Variants in ZMAT1 observed in about 807,000 individuals in gnomAD.
The protein encoded by ZMAT1 is zinc finger matrin-type protein 1.
Under a neutral mutation model 18.5 loss-of-function variants are expected in ZMAT1, and 11 were observed. The ratio of observed to expected loss-of-function variants is 0.59; its 90% CI spans 0.37 to 0.98. The LOEUF (loss-of-function observed/expected upper bound fraction) is 0.98. Among genes scored for constraint, ZMAT1 ranks in the 50% least tolerant of loss-of-function variants. The pLI is 0.01. For synonymous variants in ZMAT1, 211 were observed against 176.4 expected (o/e 1.20, Z -1.55); for missense variants, 525 against 496.2 (o/e 1.06, Z -0.55).
chrX:101,903,329 T>G (rs985276403), intron 2 of ZMAT1, among the ~76,000 whole-genome samples: 2 of 111,876 alleles, frequency 1.8e-5, no homozygotes, highest in Admixed American at 1.9e-4. Flanking sequence ...CTTATGTAAC[T>G]AGTCAATGGT....
At chrX:101,886,258 T>A (rs752576417) in intron 5 of ZMAT1, among the ~76,000 whole-genome samples, 5 of 111,793 alleles carry the variant, frequency 4.5e-5, no homozygotes, top group African/African-American at 1.6e-4. Flanking sequence ...ACCTCTGTTC[T>A]TAACCACTAT....
At chrX:101,897,687 C>T (rs908527492) in intron 4 of ZMAT1, among the ~76,000 whole-genome samples, 181 bp downstream of exon 4, 15 of 111,013 alleles carry the variant, frequency 1.4e-4, no homozygotes, top group Non-Finnish European at 2.5e-4. Context: ...AATCAACTAG[C>T]AATTAAAATC....
rs1392246568 is a variant in ZMAT1 at position 101,883,987 on chromosome X, A to C, written c.1611T>G (p.Asp537Glu). 8 of 1,210,042 alleles carry C rather than the reference A, an allele frequency of 6.6e-6. No individual in the cohort carries two copies. The South Asian group carries it at 1.4e-4, about 21-fold the overall frequency. Residue 537 changes from aspartate (D) to glutamate (E), a missense_variant, in exon 6 of 6, where the codon GAT (aspartate) becomes GAG (glutamate). Asp to Glu is a conservative substitution (Grantham distance 45, BLOSUM62 2). Coordinates refer to ENST00000651725, the MANE Select transcript of ZMAT1 (RefSeq NM_001394560.1). ...TGGTGAGTTGACAGTAGCTAATAGA[A>C]TCTAGTCTCTGTTTGCTATCATGAG... Reference protein sequence around the residue: ...LPAHDSKQRLDSISYCQLTRD... With the variant: ...LPAHDSKQRLESISYCQLTRD...
At chrX:101,913,932 A>G (rs1569439032) in intron 1 of ZMAT1, among the ~76,000 whole-genome samples, 1 of 112,236 alleles carries the variant, frequency 8.9e-6, no homozygotes. Context: ...AGAATAGACC[A>G]TATGTTAGGT....
In ZMAT1 at chrX:101,898,215, T is replaced by C; in HGVS notation, c.405A>G (p.Glu135=). 4 of 1,202,581 alleles carry C rather than the reference T, an allele frequency of 3.3e-6. No individual in the cohort carries two copies. Among genetic ancestry groups the C allele is most frequent in the Non-Finnish European group, 4.5e-6 (4 of 887,955 alleles). ...AAAAACTAACATTTTGAGCATGTTT[T>C]TCACCCTGAAAAAAGATATAATATG... ...ESQRISHYEG[E]KHAQNVSFYF... The change falls in exon 3 of 6, where the codon GAA becomes GAG. Residue 135 remains glutamate, a synonymous_variant. Transcript: ENST00000651725.
chrX:101,920,916 G>T (rs1475315355), intron 1 of ZMAT1, among the ~76,000 whole-genome samples: 1 of 110,631 alleles, frequency 9.0e-6, no homozygotes, highest in Non-Finnish European at 1.9e-5. Flanking sequence ...ACAGATAACA[G>T]CTGTCCAATA....
chrX:101,924,446 T>A (rs1312567380), intron 1 of ZMAT1, among the ~76,000 whole-genome samples: 1 of 112,207 alleles, frequency 8.9e-6, no homozygotes, highest in Non-Finnish European at 1.9e-5. Flanking sequence ...GGTATTGAGA[T>A]CTTAATGACA....
In ZMAT1 at chrX:101,929,422, A is replaced by ATT. The variant is rs1312492862; in HGVS notation, c.292+2293_292+2294dup. Among the ~76,000 whole-genome samples the ATT allele has an allele frequency of 3.8e-4, 9 of 23,780 alleles. No individual in the cohort carries two copies. In the East Asian group the frequency reaches 4.9e-3, roughly 13 times the overall value. 20.7% of individuals were successfully genotyped at this position (23,780 alleles called of 115,157 possible). A position where few individuals can be genotyped will look rare whatever the true frequency, so the allele number is the denominator to read the frequency against. ...ATATATATTCTATATATAGAGAGAGATTATATATATATATATATATATATA... is the reference window on the plus strand; with the variant it reads ...ATATATATTCTATATATAGAGAGAGATTTTATATATATATATATATATATATA... On this transcript the variant is annotated intron_variant, in intron 1 of 5. Transcript: ENST00000651725.
chrX:101,897,501 GAC>G (rs1927902880), intron 4 of ZMAT1, among the ~76,000 whole-genome samples: 1 of 76,172 alleles, frequency 1.3e-5, no homozygotes, highest in African/African-American at 4.9e-5. Flanking sequence ...ATAAAAAAAA[GAC>G]ATTATAAAAA....
intron 4 of ZMAT1, chrX:101,887,780 G>A (rs1711955377): frequency 9.0e-6 from 1 of 111,170 alleles, no homozygotes; most frequent in Non-Finnish European, 1.9e-5. Context: ...GTCAAAATAT[G>A]AATGAAATGT....
At position 101,911,662 on chromosome X, in the gene ZMAT1, C is replaced by T. The variant is rs181383593; in HGVS notation, c.293-7332G>A. ...CCACGCTGGGGAGAAGCCAGCCCTA[C>T]GAATGCAACCAGTGTGGCAGAGCCT... On this transcript the variant is annotated intron_variant, in intron 1 of 5. Coordinates refer to ENST00000651725, the MANE Select transcript of ZMAT1 (RefSeq NM_001394560.1). 385 of 1,204,184 alleles carry T rather than the reference C, an allele frequency of 3.2e-4. No homozygotes were observed. The South Asian group carries it at 6.0e-3, about 19-fold the overall frequency.
intron 1 of ZMAT1, among the ~76,000 whole-genome samples, chrX:101,930,621 C>T (rs1930418760): frequency 8.9e-6 from 1 of 112,257 alleles, no homozygotes; most frequent in South Asian, 3.7e-4. Context: ...AAGGAACTTA[C>T]TTTCCTCTAT....
At chrX:101,926,147 G>C (rs1400077549) in intron 1 of ZMAT1, among the ~76,000 whole-genome samples, 1 of 112,130 alleles carries the variant, frequency 8.9e-6, no homozygotes, top group Non-Finnish European at 1.9e-5. Flanking sequence ...AATAGTAATA[G>C]AGGGATGTTC....
intron 1 of ZMAT1, 83 bp from the exon 2 acceptor site, chrX:101,904,413 T>C: frequency 2.8e-6 from 2 of 712,805 alleles, no homozygotes; most frequent in Non-Finnish European, 4.1e-6. Flanking sequence ...CTATATATGA[T>C]TTCATATGAT....
In ZMAT1 at chrX:101,882,826, A is replaced by G. The variant is rs1404430994; in HGVS notation, c.*684T>C. 1 of 111,198 alleles carries G rather than the reference A, an allele frequency of 9.0e-6. No individual in the cohort carries two copies. Among genetic ancestry groups the G allele is most frequent in the Non-Finnish European group, 1.9e-5 (1 of 52,884 alleles). 9.2% of individuals were successfully genotyped at this position (111,198 alleles called of 1,213,427 possible). ...ACTTGGCTTTTTTAGAGATTAAAGT[A>G]GCCATCCACCTAGAAAAATTACAAT... On this transcript the variant is annotated 3_prime_UTR_variant, in exon 6 of 6. Coordinates refer to ENST00000651725, the MANE Select transcript of ZMAT1 (RefSeq NM_001394560.1).
At chrX:101,920,498 T>C (rs1475883959) in intron 1 of ZMAT1, among the ~76,000 whole-genome samples, 2 of 111,934 alleles carry the variant, frequency 1.8e-5, no homozygotes, top group African/African-American at 3.3e-5. Context: ...ATTTCAGTAA[T>C]TGAAAATTAA....
intron 2 of ZMAT1, among the ~76,000 whole-genome samples, chrX:101,898,649 CT>C (rs1296407965): frequency 8.9e-6 from 1 of 111,785 alleles, no homozygotes; most frequent in Non-Finnish European, 1.9e-5. Flanking sequence ...TTATTCTACC[CT>C]TCTTCCTTAC....
rs188140038 is a variant in ZMAT1, at chrX:101,922,871, C to T, written c.292+8846G>A. ...AGTCGAGAGGAAACTGGTGACAATA[C>T]AGATGTCTTTCAGCCTGTTTCAGGG... On this transcript the variant is annotated intron_variant, in intron 1 of 5. Transcript: ENST00000651725. Among the ~76,000 whole-genome samples the T allele has an allele frequency of 1.7e-3, 194 of 111,944 alleles. 2 individuals carry two copies. The highest frequency in any genetic ancestry group is 5.8e-3 in the African/African-American group (179 of 30,888).
At chrX:101,911,928 G>C in intron 1 of ZMAT1, 3 of 1,207,265 alleles carry the variant, frequency 2.5e-6, no homozygotes, top group Non-Finnish European at 3.4e-6. Context: ...TGTCACGATT[G>C]CGGAAAGTCC....
Sources: gnomAD v4.1 joint callset for allele counts (sites outside exome capture counted in the v4.1 genomes callset) on GRCh38, gnomAD v4.1.1 for gene constraint, MANE v1.5 for transcripts, NCBI Gene and HGNC (gene_info 2026-07-23, HGNC 2026-07-21) for gene names.